The following ERCC5 variants were observed in gnomAD, a reference collection of about 807,000 sequenced individuals.
ERCC5 encodes the protein ERCC excision repair 5, endonuclease.
ERCC5 carries 68 observed loss-of-function variants against 105.6 expected under a neutral mutation model. The ratio of observed to expected loss-of-function variants is 0.64; its 90% CI spans 0.53 to 0.79. The LOEUF (loss-of-function observed/expected upper bound fraction) is 0.79, where lower values mean the gene tolerates loss of function less well. Ranked by LOEUF, ERCC5 falls within the 30% of genes least tolerant of loss-of-function variation. The pLI is 0.00. For synonymous variants in ERCC5, 546 were observed against 526.2 expected (o/e 1.04, Z -0.51); for missense variants, 1,373 against 1,426.7 (o/e 0.96, Z 0.61).
Position 102,854,027 on chromosome 13 carries a change from T to C in ERCC5, c.380+155T>C, listed in dbSNP as rs568882264. 24 of 791,708 alleles carry C rather than the reference T, an allele frequency of 3.0e-5. No homozygotes were observed. The South Asian group carries it at 4.1e-4, about 14-fold the overall frequency. The allele number at this position is 791,708 out of a possible 1,614,324, so 49.0% of individuals were successfully genotyped here. A position where few individuals can be genotyped will look rare whatever the true frequency, so the allele number is the denominator to read the frequency against. ...GTAGGCTGCCATTTTGACCTGGTAA[T>C]TTGGAGTTGTGGCAATTCTCCGTTC... On this transcript the variant is annotated intron_variant, in intron 3 of 14. Coordinates refer to ENST00000652225, the MANE Select transcript of ERCC5 (RefSeq NM_000123.4).
chr13:102,849,422 G>T (rs1595375009), intron 1 of ERCC5: 1 of 518,956 alleles, frequency 1.9e-6, no homozygotes, highest in East Asian at 5.4e-5. Flanking sequence ...TCTCTGTTTT[G>T]TTCATGGCTG....
At position 102,862,069 on chromosome 13, in the gene ERCC5, C is replaced by A; in HGVS notation, c.920C>A (p.Ser307Tyr). The A allele has an allele frequency of 6.2e-7, 1 of 1,614,200 alleles. No homozygotes were observed. Among genetic ancestry groups the A allele is most frequent in the Non-Finnish European group, 8.5e-7 (1 of 1,180,036 alleles). The stretch of plus-strand genomic sequence containing the variant: ...ACAGTTGCAGAAGTGGATTCAGAGT[C>A]TCTTCCTTCTTCCAGCAAAATGCAC... ...AKTVAEVDSE[S>Y]LPSSSKMHGM... is the part of the protein sequence containing the mutation. Residue 307 changes from serine (S) to tyrosine (Y), a missense_variant, in exon 8 of 15, where the codon TCT (serine) becomes TAT (tyrosine). This residue lies in a region of ERCC5 where 1,004 missense variants were observed against 1,059.7 expected (regional missense o/e 0.95). Transcript: ENST00000652225.
Position 102,866,848 on chromosome 13 carries a change from AAGACTTCAG to A in ERCC5, c.2533+6_2533+14del. ...TGTGGACTTTCACAATCAATTGGGT[AAGACTTCAG>A]AGTCTTTTTGATTACTTTCTGACAT... On this transcript the variant is annotated splice_donor_5th_base_variant and intron_variant, in intron 11 of 14. Transcript: ENST00000652225. 6.2e-7 allele frequency: 1 copy of A among 1,604,452 alleles called. No homozygotes were observed. The highest frequency in any genetic ancestry group is 1.1e-5 in the South Asian group (1 of 90,036).
At chr13:102,849,323 A>T (rs187526241) in intron 1 of ERCC5, 1 of 518,960 alleles carries the variant, frequency 1.9e-6, no homozygotes, top group East Asian at 5.4e-5. Flanking sequence ...AGTTATCCTT[A>T]AATCATGTTC....
At chr13:102,866,039 T>G in intron 9 of ERCC5, 128 bp downstream of exon 9, 1 of 1,565,858 alleles carries the variant, frequency 6.4e-7, no homozygotes, top group Non-Finnish European at 8.7e-7. Context: ...TGCTGATGGC[T>G]TCATTTTTGT....
At chr13:102,866,042 AT>A in intron 9 of ERCC5, 131 bp downstream of exon 9, 1 of 1,559,500 alleles carries the variant, frequency 6.4e-7, no homozygotes, top group South Asian at 1.1e-5. Flanking sequence ...TGATGGCTTC[AT>A]TTTTGTGTAG....
At chr13:102,857,275 C>T (rs1035790694) in intron 5 of ERCC5, among the ~76,000 whole-genome samples, 1 of 152,168 alleles carries the variant, frequency 6.6e-6, no homozygotes, top group Non-Finnish European at 1.5e-5. Context: ...CCATGGGCCT[C>T]GTGGTCAAAA....
At chr13:102,849,258 T>C (rs940231484) in intron 1 of ERCC5, 1 of 518,252 alleles carries the variant, frequency 1.9e-6, no homozygotes, top group Non-Finnish European at 3.9e-6. Flanking sequence ...CTTGGGCTAT[T>C]GTAACTCATT....
intron 14 of ERCC5, among the ~76,000 whole-genome samples, 164 bp downstream of exon 14, chr13:102,873,507 CT>C (rs1488097993): frequency 6.6e-6 from 1 of 152,116 alleles, no homozygotes; most frequent in Non-Finnish European, 1.5e-5. Flanking sequence ...AAAAGTTAGA[CT>C]TTGGCTTCAT....
At chr13:102,849,952 T>C (rs9557943) in intron 1 of ERCC5, among the ~76,000 whole-genome samples, 3 of 151,964 alleles carry the variant, frequency 2.0e-5, no homozygotes, top group Middle Eastern at 3.2e-3. Context: ...TTCTTTTTGT[T>C]TTTTTTTGAG....
At chr13:102,866,057 A>G (rs969825002) in intron 9 of ERCC5, 146 bp downstream of exon 9, 1 of 1,523,332 alleles carries the variant, frequency 6.6e-7, no homozygotes, top group African/African-American at 1.4e-5. Flanking sequence ...TGTGTAGGTT[A>G]CTGGCTGGGA....
At chr13:102,871,238 G>A (rs2140537522) in intron 12 of ERCC5, among the ~76,000 whole-genome samples, 1 of 152,300 alleles carries the variant, frequency 6.6e-6, no homozygotes, top group Non-Finnish European at 1.5e-5. Flanking sequence ...ACAGGAAGTG[G>A]CGAGGGCCTC....
chr13:102,850,818 C>T (rs908411169), intron 1 of ERCC5, among the ~76,000 whole-genome samples: 3 of 151,970 alleles, frequency 2.0e-5, no homozygotes, highest in African/African-American at 7.3e-5. Flanking sequence ...TACATGGAGT[C>T]AGGGCGTGGT....
intron 8 of ERCC5, 40 bp downstream of exon 8, chr13:102,863,143 A>T: frequency 6.3e-7 from 1 of 1,599,672 alleles, no homozygotes; most frequent in Non-Finnish European, 8.5e-7. Flanking sequence ...GAACGGTAGG[A>T]TTTCCCCTCT....
rs537063369 is a variant in ERCC5 at position 102,846,082 on chromosome 13, C to G, written c.-185C>G. The G allele has an allele frequency of 6.7e-6, 4 of 596,594 alleles. No individual in the cohort carries two copies. Among genetic ancestry groups the G allele is most frequent in the Non-Finnish European group, 1.2e-5 (4 of 334,154 alleles). 37.0% of individuals were successfully genotyped at this position (596,594 alleles called of 1,614,324 possible). A position where few individuals can be genotyped will look rare whatever the true frequency, so the allele number is the denominator to read the frequency against. The stretch of plus-strand genomic sequence containing the variant: ...GAGACGTGTTGCAGCCAGAGTCTCT[C>G]CGCTTTAATGCGCTCCCATTAGTGC... On this transcript the variant is annotated 5_prime_UTR_variant, in exon 1 of 15. Coordinates refer to ENST00000652225, the MANE Select transcript of ERCC5 (RefSeq NM_000123.4).
chr13:102,857,318 A>T (rs4150291), intron 5 of ERCC5, among the ~76,000 whole-genome samples: 5,183 of 152,304 alleles, frequency 0.034, 154 homozygotes, highest in East Asian at 0.085. Flanking sequence ...TCCACTGTTC[A>T]CTAGCTGTGT....
At position 102,846,279 on chromosome 13, in the gene ERCC5, G is replaced by A. The variant is rs756544378; in HGVS notation, c.13G>A (p.Gly5Arg). 1.7e-5 allele frequency: 28 copies of A among 1,613,450 alleles called. No individual in the cohort carries two copies. The highest frequency in any genetic ancestry group is 2.4e-5 in the Non-Finnish European group (28 of 1,179,832). ...ACGCAGCCGCCTCATGGGGGTCCAGGGGCTCTGGAAGCTGCTGGAGTGCTC... is the reference window on the plus strand; with the variant it reads ...ACGCAGCCGCCTCATGGGGGTCCAGAGGCTCTGGAAGCTGCTGGAGTGCTC... MGVQGLWKLLECSGR... is the reference protein window; with the variant it reads MGVQRLWKLLECSGR... The change falls in exon 1 of 15, where the codon GGG becomes AGG. Residue 5 changes from glycine to arginine, a missense_variant. By Grantham distance (125) the Gly-to-Arg change is moderately radical. This residue lies in a region of ERCC5 where 1,004 missense variants were observed against 1,059.7 expected (regional missense o/e 0.95). Transcript: ENST00000652225.
At position 102,857,516 on chromosome 13, in the gene ERCC5, G is replaced by T. The variant is rs554460002; in HGVS notation, c.529-759G>T. Among the ~76,000 whole-genome samples, 11 of 152,292 alleles carry T rather than the reference G, an allele frequency of 7.2e-5. No homozygotes were observed. In the South Asian group the frequency reaches 1.9e-3, roughly 26 times the overall value. ...TACACATGTAACATACAGACATGCAGGACATCAGGTTGTATTAGCTTATCT... is the reference window on the plus strand; with the variant it reads ...TACACATGTAACATACAGACATGCATGACATCAGGTTGTATTAGCTTATCT... On this transcript the variant is annotated intron_variant, in intron 5 of 14. Coordinates refer to ENST00000652225, the MANE Select transcript of ERCC5 (RefSeq NM_000123.4).
chr13:102,846,306 G>A lies in ERCC5; in HGVS notation c.40G>A (p.Gly14Arg), dbSNP rs771547408. Residue 14 changes from glycine (G) to arginine (R), a missense_variant, in exon 1 of 15, where the codon GGG becomes AGG. This residue lies in a region of ERCC5 where 1,004 missense variants were observed against 1,059.7 expected (regional missense o/e 0.95). Coordinates refer to ENST00000652225, the MANE Select transcript of ERCC5 (RefSeq NM_000123.4). The stretch of plus-strand genomic sequence containing the variant: ...GCTCTGGAAGCTGCTGGAGTGCTCC[G>A]GGCGGCAGGTCAGCCCCGAAGCGCT... ...QGLWKLLECS[G>R]RQVSPEALEG... 7 of 1,614,028 alleles carry A rather than the reference G, an allele frequency of 4.3e-6. No homozygotes were observed. The East Asian group carries it at 8.9e-5, about 21-fold the overall frequency.
Sources: gnomAD v4.1 joint callset for allele counts (sites outside exome capture counted in the v4.1 genomes callset) on GRCh38, gnomAD v4.1.1 for gene constraint, gnomAD v4.1.1 regional missense constraint, MANE v1.5 for transcripts, NCBI Gene and HGNC (gene_info 2026-07-23, HGNC 2026-07-21) for gene names.